INPP5A: variants seen among roughly 807,000 people sequenced by gnomAD.
INPP5A encodes inositol polyphosphate-5-phosphatase A.
Under a neutral mutation model 65.2 loss-of-function variants are expected in INPP5A, and 14 were observed. That is an observed-to-expected ratio of 0.21 (90% CI 0.14 to 0.34). The LOEUF (loss-of-function observed/expected upper bound fraction) is 0.34. Ranked by LOEUF, INPP5A falls within the 10% of genes least tolerant of loss-of-function variation. The pLI is 1.00. For synonymous variants in INPP5A, 207 were observed against 208.3 expected (o/e 0.99, Z 0.05); for missense variants, 431 against 545.6 (o/e 0.79, Z 2.09).
intron 1 of INPP5A, among the ~76,000 whole-genome samples, chr10:132,589,630 T>C (rs1379650443): frequency 6.6e-6 from 1 of 152,228 alleles, no homozygotes; most frequent in African/African-American, 2.4e-5. Flanking sequence ...GTCTTGTGTG[T>C]CCCAGAACCC....
At chr10:132,609,337 C>T (rs1040861225) in intron 2 of INPP5A, among the ~76,000 whole-genome samples, 6 of 152,332 alleles carry the variant, frequency 3.9e-5, no homozygotes, top group African/African-American at 9.6e-5. Context: ...CCCCCATCCA[C>T]GGTGCTCTCA....
rs564955839 is a variant in INPP5A at position 132,637,654 on chromosome 10, T to G, written c.118-8214T>G. On this transcript the variant is annotated intron_variant, in intron 2 of 15. Transcript: ENST00000368594. The surrounding 1 kb of genome is among the most constrained non-coding windows in gnomAD (Gnocchi z 4.1). ...CTCCTGGCGCCTGCTGTGGCTGTCCTCCTCTGTCATGACTGTTCTGTGCTT... is the reference window on the plus strand; with the variant it reads ...CTCCTGGCGCCTGCTGTGGCTGTCCGCCTCTGTCATGACTGTTCTGTGCTT... Among the ~76,000 whole-genome samples, 3 of 152,328 alleles carry G rather than the reference T, an allele frequency of 2.0e-5. No individual in the cohort carries two copies. The highest frequency in any genetic ancestry group is 6.5e-5 in the Admixed American group (1 of 15,302).
Position 132,706,027 on chromosome 10 carries a change from C to G in INPP5A, c.475-2286C>G, listed in dbSNP as rs540388856. ...AGGGTTCATTAAAAATGTTATTCAA[C>G]TAAAACAGAAATAAAACAAGAAAAG... On this transcript the variant is annotated intron_variant, in intron 6 of 15. Coordinates refer to ENST00000368594, the MANE Select transcript of INPP5A (RefSeq NM_005539.5). The surrounding 1 kb of genome is among the most constrained non-coding windows in gnomAD (Gnocchi z 4.7). Among the ~76,000 whole-genome samples, 3 of 152,272 alleles carry G rather than the reference C, an allele frequency of 2.0e-5. No individual in the cohort carries two copies. The highest frequency in any genetic ancestry group is 2.1e-4 in the South Asian group (1 of 4,824).
rs1282976458 is a variant in INPP5A at position 132,659,785 on chromosome 10, A to G, written c.306+9280A>G. Among the ~76,000 whole-genome samples the G allele has an allele frequency of 6.6e-6, 1 of 152,202 alleles. No individual in the cohort carries two copies. ...TCCCGAGTCAGGTCTGCACGGCTTCATGGCTGCCTGCCCTGGGAGGTGGAG... is the reference window on the plus strand; with the variant it reads ...TCCCGAGTCAGGTCTGCACGGCTTCGTGGCTGCCTGCCCTGGGAGGTGGAG... On this transcript the variant is annotated intron_variant, in intron 4 of 15. Transcript: ENST00000368594. This position sits in a 1 kb window ranked among gnomAD's most constrained non-coding sequence, Gnocchi z 5.5.
intron 13 of INPP5A, among the ~76,000 whole-genome samples, chr10:132,780,434 C>T (rs868167201): frequency 6.6e-6 from 1 of 152,254 alleles, no homozygotes; most frequent in East Asian, 1.9e-4. Flanking sequence ...GATGGGCTGC[C>T]GCACTCAGAG....
chr10:132,743,654 G>C (rs1275847258), intron 9 of INPP5A, among the ~76,000 whole-genome samples: 1 of 152,228 alleles, frequency 6.6e-6, no homozygotes, highest in Non-Finnish European at 1.5e-5. Flanking sequence ...CGTCACGTGT[G>C]GGGAGGAAAC....
Position 132,782,420 on chromosome 10 carries a change from G to A in INPP5A, c.*391G>A. On this transcript the variant is annotated 3_prime_UTR_variant, in exon 16 of 16. Coordinates refer to ENST00000368594, the MANE Select transcript of INPP5A (RefSeq NM_005539.5). This position sits in a 1 kb window ranked among gnomAD's most constrained non-coding sequence, Gnocchi z 4.4. The stretch of plus-strand genomic sequence containing the variant: ...CTGTGTCCAGGGACCCCCTCTGCCA[G>A]GTGGAGGTGTGTCCAGGGGCTGGGG... The A allele has an allele frequency of 3.6e-6, 1 of 280,918 alleles. No individual in the cohort carries two copies. Among genetic ancestry groups the A allele is most frequent in the South Asian group, 3.5e-5 (1 of 28,734 alleles). 17.4% of individuals were successfully genotyped at this position (280,918 alleles called of 1,614,324 possible).
chr10:132,619,084 A>G (rs1201349169), intron 2 of INPP5A, among the ~76,000 whole-genome samples: 3 of 152,116 alleles, frequency 2.0e-5, no homozygotes, highest in Non-Finnish European at 4.4e-5. Flanking sequence ...AGTCCCCCCA[A>G]AGTCTTGACT....
intron 8 of INPP5A, among the ~76,000 whole-genome samples, chr10:132,712,798 A>G (rs567315750): frequency 6.8e-6 from 1 of 147,666 alleles, no homozygotes; most frequent in East Asian, 2.1e-4. Flanking sequence ...GGGTGCACTG[A>G]TGCATGTGTG....
At chr10:132,715,986 T>C (rs1224396438) in intron 8 of INPP5A, among the ~76,000 whole-genome samples, 1 of 152,238 alleles carries the variant, frequency 6.6e-6, no homozygotes, top group Non-Finnish European at 1.5e-5. Flanking sequence ...TGTGTCGCCT[T>C]AGCCTCTCCA....
rs1484480417 is a variant in INPP5A at position 132,575,901 on chromosome 10, T to C, written c.76-32014T>C. ...TGCCAAAGGACCTGCTTGATGCCAC[T>C]GACATCGCGGCTCTTGTGGACTGTG... On this transcript the variant is annotated intron_variant, in intron 1 of 15. Coordinates refer to ENST00000368594, the MANE Select transcript of INPP5A (RefSeq NM_005539.5). This position sits in a 1 kb window ranked among gnomAD's most constrained non-coding sequence, Gnocchi z 5.4. Among the ~76,000 whole-genome samples the C allele has an allele frequency of 6.6e-6, 1 of 152,206 alleles. No individual in the cohort carries two copies. Among genetic ancestry groups the C allele is most frequent in the Non-Finnish European group, 1.5e-5 (1 of 68,032 alleles).
intron 4 of INPP5A, among the ~76,000 whole-genome samples, chr10:132,684,899 A>G (rs895064976): frequency 3.3e-5 from 5 of 152,182 alleles, no homozygotes; most frequent in Non-Finnish European, 7.3e-5. Context: ...CACAGCATGC[A>G]GCTGGGGAAG....
intron 4 of INPP5A, among the ~76,000 whole-genome samples, chr10:132,679,744 A>G (rs1351831026): frequency 2.0e-5 from 3 of 152,242 alleles, no homozygotes; most frequent in Non-Finnish European, 4.4e-5. Context: ...AGAAACTTAA[A>G]TTGCCAATAA....
At chr10:132,539,018 C>CCCTGCCCCTAACTCTGGTT (rs1211033090) in intron 1 of INPP5A, among the ~76,000 whole-genome samples, 3 of 152,212 alleles carry the variant, frequency 2.0e-5, no homozygotes, top group African/African-American at 7.2e-5. Flanking sequence ...CAATTCTGGA[C>CCCTGCCCCTAACTCTGGTT]CCTGCCCCTA....
intron 11 of INPP5A, among the ~76,000 whole-genome samples, chr10:132,755,434 G>A (rs532629893): frequency 3.3e-5 from 5 of 151,534 alleles, no homozygotes; most frequent in Admixed American, 3.3e-4. Context: ...ATATGAGTGG[G>A]TGTGTGCATG....
chr10:132,641,617 C>T (rs888799211), intron 2 of INPP5A, among the ~76,000 whole-genome samples: 1 of 152,234 alleles, frequency 6.6e-6, no homozygotes, highest in African/African-American at 2.4e-5. Context: ...TGTTCCAGCA[C>T]AGCTTCGCAA....
At chr10:132,677,340 G>C (rs2072980159) in intron 4 of INPP5A, among the ~76,000 whole-genome samples, 1 of 152,242 alleles carries the variant, frequency 6.6e-6, no homozygotes, top group African/African-American at 2.4e-5. Flanking sequence ...GCCGTCTTGG[G>C]CTCTGGCCAT....
chr10:132,593,732 G>A (rs1348062469), intron 1 of INPP5A, among the ~76,000 whole-genome samples: 2 of 142,980 alleles, frequency 1.4e-5, no homozygotes, highest in East Asian at 4.8e-4. Flanking sequence ...CTTTATTTGT[G>A]ATTTTCTACA....
chr10:132,652,567 A>G (rs1052189490), intron 4 of INPP5A, among the ~76,000 whole-genome samples: 14 of 152,238 alleles, frequency 9.2e-5, no homozygotes, highest in African/African-American at 3.1e-4. Context: ...CATCCTCGGA[A>G]GAGTGGGGCT....
Sources: allele counts gnomAD v4.1 joint callset (sites outside exome capture counted in the v4.1 genomes callset), GRCh38; gene constraint gnomAD v4.1.1; non-coding constraint Gnocchi (gnomAD v3.1); transcripts MANE v1.5; gene names NCBI Gene and HGNC (gene_info 2026-07-23, HGNC 2026-07-21).